The following LRP2 variants were observed in gnomAD, a reference collection of about 807,000 sequenced individuals.
LRP2 encodes low-density lipoprotein receptor-related protein 2.
LRP2 carries 172 observed loss-of-function variants against 531.0 expected under a neutral mutation model. That is an observed-to-expected ratio of 0.32 (90% CI 0.29 to 0.37). The LOEUF (loss-of-function observed/expected upper bound fraction) is 0.37, where lower values mean the gene tolerates loss of function less well. Among genes scored for constraint, LRP2 ranks in the 10% least tolerant of loss-of-function variants. The pLI is 1.00. For missense variants in LRP2, 5,167 were observed against 5,868.3 expected (o/e 0.88, Z 3.90); for synonymous variants, 1,992 against 2,027.6 (o/e 0.98, Z 0.47).
intron 1 of LRP2, among the ~76,000 whole-genome samples, chr2:169,325,409 A>G (rs1685022399): frequency 6.6e-6 from 1 of 152,216 alleles, no homozygotes; most frequent in Non-Finnish European, 1.5e-5. Flanking sequence ...CAATTCCTTA[A>G]CTTATCCATA....
chr2:169,351,312 G>A (rs1342558767), intron 1 of LRP2, among the ~76,000 whole-genome samples: 1 of 152,146 alleles, frequency 6.6e-6, no homozygotes, highest in Non-Finnish European at 1.5e-5. Flanking sequence ...AGTGGATATA[G>A]GCACATCTGT....
At chr2:169,320,582 C>T (rs1684883699) in intron 2 of LRP2, among the ~76,000 whole-genome samples, 195 bp downstream of exon 2, 1 of 152,168 alleles carries the variant, frequency 6.6e-6, no homozygotes, top group African/African-American at 2.4e-5. Flanking sequence ...GTGAATTGAA[C>T]CCCTACCTCA....
At chr2:169,211,219 C>A (rs1448386557) in intron 37 of LRP2, among the ~76,000 whole-genome samples, 1 of 152,186 alleles carries the variant, frequency 6.6e-6, no homozygotes, top group Non-Finnish European at 1.5e-5. Flanking sequence ...ACCATCTCTA[C>A]AACCCCTTCA....
intron 4 of LRP2, among the ~76,000 whole-genome samples, chr2:169,300,183 C>T (rs185006479): frequency 6.6e-6 from 1 of 152,154 alleles, no homozygotes; most frequent in Non-Finnish European, 1.5e-5. Flanking sequence ...GAAATAAAAT[C>T]CCATTTCTCA....
Position 169,205,573 on chromosome 2 carries a change from A to C in LRP2, c.7621T>G (p.Phe2541Val). The change falls in exon 41 of 79, where the codon TTC becomes GTC. Residue 2541 changes from phenylalanine to valine, a missense_variant. Phe to Val is a conservative substitution (Grantham distance 50). This residue lies in a region of LRP2 where 1,129 missense variants were observed against 1,362.7 expected (regional missense o/e 0.83). Coordinates refer to ENST00000649046, the MANE Select transcript of LRP2 (RefSeq NM_004525.3). ...KIERATLGGN[F>V]RVPIVNSSLV... ...CTGCTGTTCACAATGGGTACGCGGA[A>C]GTTTCCTCCCAATGTGGCTCTCTCG... 6.2e-7 allele frequency: 1 copy of C among 1,614,056 alleles called. No homozygotes were observed. The highest frequency in any genetic ancestry group is 2.2e-5 in the East Asian group (1 of 44,872).
intron 47 of LRP2, among the ~76,000 whole-genome samples, chr2:169,193,311 G>A (rs1204274015): frequency 1.3e-5 from 2 of 151,642 alleles, no homozygotes; most frequent in African/African-American, 4.8e-5. Context: ...TGGGCGTATG[G>A]TCCCAACTAC....
intron 1 of LRP2, among the ~76,000 whole-genome samples, chr2:169,338,548 A>G (rs1685484075): frequency 6.6e-6 from 1 of 152,240 alleles, no homozygotes; most frequent in African/African-American, 2.4e-5. Flanking sequence ...TTTGTTTACC[A>G]TCACTGGATT....
chr2:169,279,540 A>C lies in LRP2; in HGVS notation c.1397T>G (p.Val466Gly), dbSNP rs1683643576. The C allele has an allele frequency of 6.2e-7, 1 of 1,613,958 alleles. No individual in the cohort carries two copies. The highest frequency in any genetic ancestry group is 1.1e-5 in the South Asian group (1 of 91,086). ...CACAGCCAGGTTCTCTGGGGTTTCA[A>C]CAGAAACATTGAGAACCTCTTGGAT... ...LNIQEVLNVS[V>G]ETPENLAVDW... Residue 466 changes from valine to glycine, a missense_variant, in exon 12 of 79, where the codon GTT (valine) becomes GGT (glycine). Coordinates refer to ENST00000649046, the MANE Select transcript of LRP2 (RefSeq NM_004525.3).
rs138608585 is a variant in LRP2, at chr2:169,176,424, C to A, written c.10558G>T (p.Ala3520Ser). 49 of 1,614,114 alleles carry A rather than the reference C, an allele frequency of 3.0e-5. No homozygotes were observed. Among genetic ancestry groups the A allele is most frequent in the Non-Finnish European group, 3.9e-5 (46 of 1,180,016 alleles). The change falls in exon 54 of 79, where the codon GCT becomes TCT. Residue 3520 changes from alanine (A) to serine (S), a missense_variant. Transcript: ENST00000649046. ...AGAGAGCCTTACTTTTCATTGTTAG[C>A]GCACAGGAACTGGGTGCTGGAGCAC... ...PMCSSTQFLC[A>S]NNEKCIPIWW...
rs1218997475 is a variant in LRP2 at position 169,270,900 on chromosome 2, T to C, written c.2320+4A>G. The stretch of plus-strand genomic sequence containing the variant: ...ACACACACACACACACAAACCTTTC[T>C]CACCTGTGCCATCAATCTTTTGCTT... On this transcript the variant is annotated splice_donor_region_variant and intron_variant, in intron 16 of 78. Transcript: ENST00000649046. The C allele has an allele frequency of 1.2e-6, 2 of 1,611,864 alleles. No homozygotes were observed. The highest frequency in any genetic ancestry group is 1.7e-6 in the Non-Finnish European group (2 of 1,178,876).
At position 169,209,653 on chromosome 2, in the gene LRP2, GA is replaced by G. The variant is rs777281563; in HGVS notation, c.6281-13del. The G allele has an allele frequency of 6.2e-7, 1 of 1,613,306 alleles. No homozygotes were observed. The highest frequency in any genetic ancestry group is 8.5e-7 in the Non-Finnish European group (1 of 1,179,508). ...CAGTGCGTTTCGTCCTGGAAGTTAA[GA>G]AAAGATCATTAAAAAATGCTGTCAC... is the stretch of plus-strand genomic sequence containing the variant. On this transcript the variant is annotated splice_polypyrimidine_tract_variant and intron_variant, in intron 37 of 78. Transcript: ENST00000649046.
intron 53 of LRP2, among the ~76,000 whole-genome samples, chr2:169,177,432 T>C (rs1418811066): frequency 1.3e-5 from 2 of 152,236 alleles, no homozygotes; most frequent in Admixed American, 6.5e-5. Context: ...ATTTAGTATT[T>C]AGTATTTAGG....
intron 62 of LRP2, 108 bp from the exon 63 acceptor site, chr2:169,162,708 T>C: frequency 8.6e-7 from 1 of 1,163,070 alleles, no homozygotes; most frequent in Non-Finnish European, 1.3e-6. Context: ...AGTGCTTCCC[T>C]ACATTTCCCA....
chr2:169,225,546 A>G, intron 32 of LRP2, 93 bp from the exon 33 acceptor site: 2 of 1,442,526 alleles, frequency 1.4e-6, no homozygotes, highest in Non-Finnish European at 9.7e-7. Flanking sequence ...CAGCTGCTGT[A>G]TTTCTTGAAC....
chr2:169,233,425 G>A lies in LRP2; in HGVS notation c.5084C>T (p.Ser1695Leu), dbSNP rs767944750. The A allele has an allele frequency of 1.1e-5, 18 of 1,614,102 alleles. No individual in the cohort carries two copies. The highest frequency in any genetic ancestry group is 1.6e-4 in the Middle Eastern group (1 of 6,062). Residue 1695 changes from serine to leucine, a missense_variant, in exon 30 of 79, where the codon TCG (serine) becomes TTG (leucine). Around this residue, in one of 6 missense-constraint regions of LRP2, gnomAD observed 2,811 missense variants for 3,058.0 expected, o/e 0.92. Coordinates refer to ENST00000649046, the MANE Select transcript of LRP2 (RefSeq NM_004525.3). ...WPLGIVAVHP[S>L]KQPNSVNPCA... ...GTATCACTCACAATTTGGTTGTTTC[G>A]AAGGATGAACCGCAACAATCCCAAG... is the stretch of plus-strand genomic sequence containing the variant.
chr2:169,159,682 T>C (rs976266069), intron 63 of LRP2, among the ~76,000 whole-genome samples: 7 of 152,220 alleles, frequency 4.6e-5, no homozygotes, highest in African/African-American at 1.7e-4. Flanking sequence ...CTTACTGTCC[T>C]TTGAATTTCT....
At chr2:169,266,987 A>G (rs1434189103) in intron 16 of LRP2, among the ~76,000 whole-genome samples, 3 of 151,104 alleles carry the variant, frequency 2.0e-5, no homozygotes, top group African/African-American at 7.3e-5. Context: ...TCCTGGGCTC[A>G]AACAATCCTT....
chr2:169,289,210 A>G, intron 8 of LRP2, 65 bp from the exon 9 acceptor site: 1 of 1,600,888 alleles, frequency 6.2e-7, no homozygotes, highest in Non-Finnish European at 8.5e-7. Context: ...TTAATCTAAT[A>G]GCTTCTTTTT....
chr2:169,168,693 A>T lies in LRP2; in HGVS notation c.11498-17T>A, dbSNP rs1232372528. On this transcript the variant is annotated splice_polypyrimidine_tract_variant and intron_variant, in intron 60 of 78. Transcript: ENST00000649046. ...AGCGTGTGGCTGCCATGGGGGAAAA[A>T]AACATATTCAAATTATTATACAAAT... is the stretch of plus-strand genomic sequence containing the variant. The T allele has an allele frequency of 1.2e-6, 2 of 1,613,814 alleles. 1 individual carries two copies. The highest frequency in any genetic ancestry group is 3.3e-4 in the Middle Eastern group (2 of 6,084).
Sources: gnomAD v4.1 joint callset for allele counts (sites outside exome capture counted in the v4.1 genomes callset) on GRCh38, gnomAD v4.1.1 for gene constraint, gnomAD v4.1.1 regional missense constraint, MANE v1.5 for transcripts, NCBI Gene and HGNC (gene_info 2026-07-23, HGNC 2026-07-21) for gene names.